SGCZ: variants seen among roughly 807,000 people sequenced by gnomAD.
The protein encoded by SGCZ is sarcoglycan zeta.
SGCZ carries 40 observed loss-of-function variants against 41.3 expected under a neutral mutation model. The observed-to-expected ratio is 0.97, with a 90% confidence interval of 0.75 to 1.26. The LOEUF is 1.26. Among genes scored for constraint, SGCZ ranks in the 50% most tolerant of loss-of-function variants. The pLI, the probability that SGCZ is intolerant of heterozygous loss-of-function variation, is 0.00. For synonymous variants in SGCZ, 206 were observed against 137.5 expected (o/e 1.50, Z -3.49); for missense variants, 552 against 369.8 (o/e 1.49, Z -4.04).
intron 4 of SGCZ, 169 bp from the exon 5 acceptor site, chr8:14,164,871 A>G (rs879705489): frequency 6.2e-6 from 5 of 812,672 alleles, no homozygotes; most frequent in African/African-American, 3.5e-5. Context: ...CAGGAGGCTA[A>G]TTTGGGAATG....
At chr8:14,717,170 A>C (rs1482199678) in intron 1 of SGCZ, among the ~76,000 whole-genome samples, 1 of 152,064 alleles carries the variant, frequency 6.6e-6, no homozygotes, top group Admixed American at 6.6e-5. Context: ...CATTTAGAAA[A>C]ATTTTTCTAG....
At chr8:14,512,693 G>A (rs1802502742) in intron 2 of SGCZ, among the ~76,000 whole-genome samples, 1 of 151,380 alleles carries the variant, frequency 6.6e-6, no homozygotes, top group South Asian at 2.1e-4. Flanking sequence ...TTGAACCCCT[G>A]GTCTCAAGTA....
intron 1 of SGCZ, among the ~76,000 whole-genome samples, chr8:14,783,840 G>T (rs1280516298): frequency 4.6e-5 from 7 of 151,990 alleles, no homozygotes; most frequent in Non-Finnish European, 1.0e-4. Flanking sequence ...CATTTATGTT[G>T]CTCACTATGG....
intron 3 of SGCZ, among the ~76,000 whole-genome samples, chr8:14,252,312 T>C (rs921248317): frequency 2.6e-5 from 4 of 152,178 alleles, no homozygotes; most frequent in African/African-American, 9.6e-5. Flanking sequence ...ATGTATTTTT[T>C]TCAGACTTGT....
chr8:14,241,177 T>A (rs1798867036), intron 3 of SGCZ, among the ~76,000 whole-genome samples: 1 of 151,988 alleles, frequency 6.6e-6, no homozygotes, highest in South Asian at 2.1e-4. Context: ...ACTGTCTGAT[T>A]TATATCCTTT....
At chr8:14,936,669 C>A (rs1800094600) in intron 1 of SGCZ, among the ~76,000 whole-genome samples, 1 of 151,640 alleles carries the variant, frequency 6.6e-6, no homozygotes, top group African/African-American at 2.4e-5. Context: ...AAAAATAGAC[C>A]ACAAACAGAG....
intron 1 of SGCZ, among the ~76,000 whole-genome samples, chr8:14,862,533 AAGATATATAT>A (rs1395212726): frequency 1.2e-5 from 1 of 83,688 alleles, no homozygotes; most frequent in East Asian, 3.9e-4. Flanking sequence ...TTGCATCTTT[AAGATATATAT>A]ATATATATAT....
At chr8:14,844,440 A>G (rs545477271) in intron 1 of SGCZ, among the ~76,000 whole-genome samples, 1 of 152,284 alleles carries the variant, frequency 6.6e-6, no homozygotes, top group South Asian at 2.1e-4. Flanking sequence ...ATGATTTCCA[A>G]CAGCATGTAA....
At chr8:14,676,959 G>C (rs1428417002) in intron 1 of SGCZ, among the ~76,000 whole-genome samples, 1 of 151,884 alleles carries the variant, frequency 6.6e-6, no homozygotes, top group Non-Finnish European at 1.5e-5. Flanking sequence ...GTAAATTCTA[G>C]TTAATGCAAT....
At chr8:14,551,961 C>T (rs1336396068) in intron 2 of SGCZ, among the ~76,000 whole-genome samples, 1 of 151,642 alleles carries the variant, frequency 6.6e-6, no homozygotes, top group East Asian at 1.9e-4. Context: ...ATAAAAATAA[C>T]ATGCCCAGTT....
At chr8:14,266,083 C>A (rs1014212736) in intron 3 of SGCZ, among the ~76,000 whole-genome samples, 6 of 151,980 alleles carry the variant, frequency 3.9e-5, no homozygotes, top group African/African-American at 1.4e-4. Flanking sequence ...AGAAAACTCC[C>A]CAAACCTAAG....
At chr8:15,048,302 G>T (rs922732653) in intron 1 of SGCZ, among the ~76,000 whole-genome samples, 1 of 151,990 alleles carries the variant, frequency 6.6e-6, no homozygotes, top group Non-Finnish European at 1.5e-5. Flanking sequence ...GTACAAAGTA[G>T]ATGATGGTTA....
intron 2 of SGCZ, among the ~76,000 whole-genome samples, chr8:14,372,713 A>G (rs73664332): frequency 0.045 from 6,784 of 152,152 alleles, 487 homozygotes; most frequent in African/African-American, 0.15. Flanking sequence ...TAAGGCAGAT[A>G]AGAAATGCGA....
intron 3 of SGCZ, among the ~76,000 whole-genome samples, chr8:14,238,946 A>T (rs1806868211): frequency 6.6e-6 from 1 of 152,070 alleles, no homozygotes; most frequent in East Asian, 1.9e-4. Flanking sequence ...AGGATTTGGA[A>T]TTGGTGATTT....
rs561756231 is a variant in SGCZ at position 14,789,490 on chromosome 8, G to A, written c.40-234564C>T. 4.6e-5 allele frequency among the ~76,000 whole-genome samples: 7 copies of A among 152,258 alleles called. 1 individual carries two copies. In the South Asian group the frequency reaches 1.2e-3, roughly 27 times the overall value. ...AATTCATGAATAATGAAGATCAACT[G>A]TGTTAGTTTCATGATATAATTTCCA... On this transcript the variant is annotated intron_variant, in intron 1 of 7. Transcript: ENST00000382080.
chr8:14,790,894 G>A (rs1430533511), intron 1 of SGCZ, among the ~76,000 whole-genome samples: 4 of 151,862 alleles, frequency 2.6e-5, no homozygotes, highest in South Asian at 4.2e-4. Flanking sequence ...TGCGCAGGGT[G>A]GTGGTGCGCA....
intron 2 of SGCZ, among the ~76,000 whole-genome samples, chr8:14,546,312 A>T (rs1803625490): frequency 6.6e-6 from 1 of 152,132 alleles, no homozygotes; most frequent in Non-Finnish European, 1.5e-5. Context: ...GGAAAATGGA[A>T]ATGGCAGCTC....
At chr8:14,996,172 G>C (rs1563421023) in intron 1 of SGCZ, among the ~76,000 whole-genome samples, 1 of 152,022 alleles carries the variant, frequency 6.6e-6, no homozygotes, top group Non-Finnish European at 1.5e-5. Context: ...CAAAGCACTG[G>C]GATTACAGGC....
At chr8:14,172,452 G>C (rs1804415796) in intron 4 of SGCZ, among the ~76,000 whole-genome samples, 1 of 152,122 alleles carries the variant, frequency 6.6e-6, no homozygotes, top group African/African-American at 2.4e-5. Context: ...TAATCCCACT[G>C]CTAAACTGAA....
Sources: gnomAD v4.1 joint callset for allele counts (sites outside exome capture counted in the v4.1 genomes callset) on GRCh38, gnomAD v4.1.1 for gene constraint, MANE v1.5 for transcripts, NCBI Gene and HGNC (gene_info 2026-07-23, HGNC 2026-07-21) for gene names.